The following SUPT3H variants were observed in gnomAD, a reference collection of about 807,000 sequenced individuals.
The protein encoded by SUPT3H is transcription initiation protein SPT3 homolog.
In SUPT3H, 44 loss-of-function variants were observed where a neutral mutation model predicts 44.3. That is an observed-to-expected ratio of 0.99 (90% CI 0.78 to 1.28). SUPT3H has a LOEUF of 1.28. SUPT3H is among the 50% of genes most tolerant of loss of function. The pLI is 0.00. For missense variants in SUPT3H, 380 were observed against 387.1 expected (o/e 0.98, Z 0.15); for synonymous variants, 124 against 125.6 (o/e 0.99, Z 0.09).
At chr6:45,290,095 G>A (rs770126753) in intron 2 of SUPT3H, among the ~76,000 whole-genome samples, 9 of 152,026 alleles carry the variant, frequency 5.9e-5, no homozygotes, top group East Asian at 1.9e-4. Context: ...TGGGGCAATC[G>A]CTTAAGTCCA....
intron 2 of SUPT3H, among the ~76,000 whole-genome samples, chr6:45,344,517 C>T (rs1790455818): frequency 6.6e-6 from 1 of 151,886 alleles, no homozygotes; most frequent in African/African-American, 2.4e-5. Flanking sequence ...GTACATTTTC[C>T]TTTGAACGTC....
intron 2 of SUPT3H, among the ~76,000 whole-genome samples, chr6:45,172,417 CTATT>C (rs1315854197): frequency 7.2e-5 from 11 of 151,996 alleles, no homozygotes; most frequent in Admixed American, 7.2e-4. Flanking sequence ...ACATTATCCT[CTATT>C]TATCTCTAAC....
At chr6:45,081,569 C>T (rs374520799) in intron 3 of SUPT3H, among the ~76,000 whole-genome samples, 1 of 152,192 alleles carries the variant, frequency 6.6e-6, no homozygotes, top group Admixed American at 6.5e-5. Context: ...ACAATGGTTG[C>T]CACATTTATC....
intron 2 of SUPT3H, among the ~76,000 whole-genome samples, chr6:45,170,080 T>G (rs1249929542): frequency 6.6e-6 from 1 of 152,182 alleles, no homozygotes; most frequent in Admixed American, 6.5e-5. Flanking sequence ...AGTTAATAGT[T>G]GCCTCACTTT....
At chr6:45,014,761 CAT>C (rs1198372710) in intron 5 of SUPT3H, 38 bp downstream of exon 5, 1 of 1,398,718 alleles carries the variant, frequency 7.1e-7, no homozygotes, top group Non-Finnish European at 9.8e-7. Flanking sequence ...ACACATGTGT[CAT>C]AAGCTCATGT....
At chr6:45,241,383 T>TA (rs1562773425) in intron 2 of SUPT3H, among the ~76,000 whole-genome samples, 1 of 152,202 alleles carries the variant, frequency 6.6e-6, no homozygotes, top group Non-Finnish European at 1.5e-5. Flanking sequence ...AAGGCGTTCT[T>TA]AAACCACAAA....
At chr6:45,106,509 A>G (rs1226671108) in intron 2 of SUPT3H, among the ~76,000 whole-genome samples, 1 of 152,084 alleles carries the variant, frequency 6.6e-6, no homozygotes, top group East Asian at 1.9e-4. Flanking sequence ...AGTGTTATCT[A>G]TGCTATTTCT....
intron 9 of SUPT3H, among the ~76,000 whole-genome samples, chr6:44,949,264 T>G (rs186083052): frequency 1.5e-4 from 23 of 152,076 alleles, no homozygotes; most frequent in Admixed American, 3.9e-4. Flanking sequence ...TGGGGAGGGA[T>G]AGCATTACGA....
At position 45,276,630 on chromosome 6, in the gene SUPT3H, C is replaced by T. The variant is rs1216858180; in HGVS notation, c.101+88571G>A. Among the ~76,000 whole-genome samples, 6 of 152,310 alleles carry T rather than the reference C, an allele frequency of 3.9e-5. No individual in the cohort carries two copies. In the East Asian group the frequency reaches 9.6e-4, roughly 24 times the overall value. On this transcript the variant is annotated intron_variant, in intron 2 of 10. Transcript: ENST00000371459. ...TGGCCAATAGATTAAAGTGATGGCA[C>T]ACCAGCTACAAGATTAGGCTTTAAA...
In SUPT3H at chr6:44,897,235, G is replaced by A. The variant is rs541209658; in HGVS notation, c.912+35418C>T. Among the ~76,000 whole-genome samples, 3 of 152,290 alleles carry A rather than the reference G, an allele frequency of 2.0e-5. No individual in the cohort carries two copies. The South Asian group carries it at 6.2e-4, about 32-fold the overall frequency. On this transcript the variant is annotated intron_variant, in intron 10 of 10. Transcript: ENST00000371459. ...ACACTTGGTGCTTTTTGAAAAAGCTGGGGTTAACCTCAACTCTTTCGACAG... is the reference window on the plus strand; with the variant it reads ...ACACTTGGTGCTTTTTGAAAAAGCTAGGGTTAACCTCAACTCTTTCGACAG...
chr6:44,844,071 TGA>T (rs758647234), intron 10 of SUPT3H, among the ~76,000 whole-genome samples: 23 of 151,864 alleles, frequency 1.5e-4, no homozygotes, highest in Non-Finnish European at 3.4e-4. Context: ...GTGAAACAGA[TGA>T]GAGAGTCCAA....
intron 10 of SUPT3H, among the ~76,000 whole-genome samples, chr6:44,898,097 GAATT>G (rs1764380299): frequency 2.0e-5 from 3 of 152,188 alleles, no homozygotes; most frequent in Admixed American, 2.0e-4. Context: ...TTGGGACTAA[GAATT>G]TGCATCTTAT....
intron 3 of SUPT3H, 147 bp downstream of exon 3, chr6:45,105,775 T>G (rs1422066203): frequency 1.9e-6 from 1 of 518,388 alleles, no homozygotes; most frequent in African/African-American, 1.9e-5. Context: ...ATTAAACTAG[T>G]AAATTTTGTT....
intron 2 of SUPT3H, among the ~76,000 whole-genome samples, chr6:45,110,316 T>C: frequency 6.6e-6 from 1 of 152,174 alleles, no homozygotes; most frequent in Non-Finnish European, 1.5e-5. Context: ...GTTAAACTTT[T>C]TATTCTGTAT....
At chr6:45,265,771 T>A (rs542669701) in intron 2 of SUPT3H, among the ~76,000 whole-genome samples, 6 of 152,086 alleles carry the variant, frequency 3.9e-5, no homozygotes, top group Non-Finnish European at 8.8e-5. Context: ...TTATGCCATT[T>A]GGATAGAGGT....
intron 2 of SUPT3H, 107 bp from the exon 3 acceptor site, chr6:45,106,113 G>C (rs1167496317): frequency 1.0e-6 from 1 of 964,478 alleles, no homozygotes; most frequent in Non-Finnish European, 1.6e-6. Context: ...AACATAAATT[G>C]TTTGCCCAAA....
At chr6:45,042,032 T>A (rs1449660294) in intron 3 of SUPT3H, among the ~76,000 whole-genome samples, 1 of 152,192 alleles carries the variant, frequency 6.6e-6, no homozygotes, top group Non-Finnish European at 1.5e-5. Context: ...ATCATTTTTA[T>A]GTTAAAAAAT....
At chr6:45,313,656 T>TATA (rs1784292899) in intron 2 of SUPT3H, among the ~76,000 whole-genome samples, 1 of 144,668 alleles carries the variant, frequency 6.9e-6, no homozygotes, top group East Asian at 2.0e-4. Flanking sequence ...TTAAAAATTA[T>TATA]AAAAAAAAAA....
intron 10 of SUPT3H, among the ~76,000 whole-genome samples, chr6:44,862,402 C>T (rs116839425): frequency 2.5e-3 from 381 of 152,042 alleles, no homozygotes; most frequent in Non-Finnish European, 3.8e-3. Flanking sequence ...CAGGGCCAGG[C>T]GCAGTGACAC....
Sources: allele counts gnomAD v4.1 joint callset (sites outside exome capture counted in the v4.1 genomes callset), GRCh38; gene constraint gnomAD v4.1.1; transcripts MANE v1.5; gene names NCBI Gene and HGNC (gene_info 2026-07-23, HGNC 2026-07-21).